The following SPOCK1 variants were observed in gnomAD, a reference collection of about 807,000 sequenced individuals.
SPOCK1 encodes SPARC (osteonectin), cwcv and kazal like domains proteoglycan 1, also known as testican-1.
In SPOCK1, 23 loss-of-function variants were observed where a neutral mutation model predicts 55.3. The ratio of observed to expected loss-of-function variants is 0.42; its 90% CI spans 0.30 to 0.59. SPOCK1 has a LOEUF of 0.59. Among genes scored for constraint, SPOCK1 ranks in the 20% least tolerant of loss-of-function variants. The pLI, the probability that SPOCK1 is intolerant of heterozygous loss-of-function variation, is 0.22. For missense variants in SPOCK1, 499 were observed against 552.5 expected, an observed-to-expected ratio of 0.90 and a Z score of 0.97; for synonymous variants, 226 against 221.0, an observed-to-expected ratio of 1.02 and a Z score of -0.20.
intron 4 of SPOCK1, among the ~76,000 whole-genome samples, chr5:137,123,838 T>A (rs1036973492): frequency 6.6e-6 from 1 of 152,058 alleles, no homozygotes. Context: ...TATATAAACC[T>A]GTATGTGAAT....
intron 2 of SPOCK1, among the ~76,000 whole-genome samples, chr5:137,463,074 T>C (rs1162611746): frequency 1.3e-5 from 2 of 152,232 alleles, no homozygotes; most frequent in Non-Finnish European, 2.9e-5. Context: ...CTGAAGCATG[T>C]TAAGCAGGAA....
chr5:137,049,625 CCTT>C lies in SPOCK1; in HGVS notation c.589+18087_589+18089del, dbSNP rs1423564248. ...CTCAGAGTAATTTGATCGTCTGAAG[CCTT>C]CTTCTCTCAGCTCGTCAAAATCATT... On this transcript the variant is annotated intron_variant, in intron 6 of 10. Transcript: ENST00000394945. Among the ~76,000 whole-genome samples the C allele has an allele frequency of 7.9e-3, 122 of 15,540 alleles. 4 individuals are homozygous for C. The highest frequency in any genetic ancestry group is 0.031 in the African/African-American group (118 of 3,864). The allele number at this position is 15,540 out of a possible 152,430, so 10.2% of individuals were successfully genotyped here. A position where few individuals can be genotyped will look rare whatever the true frequency, so the allele number is the denominator to read the frequency against.
intron 6 of SPOCK1, among the ~76,000 whole-genome samples, chr5:137,021,322 A>C (rs1030162170): frequency 1.3e-5 from 2 of 152,222 alleles, no homozygotes; most frequent in African/African-American, 4.8e-5. Context: ...AAAACTGAAC[A>C]AAATATCATT....
intron 3 of SPOCK1, among the ~76,000 whole-genome samples, chr5:137,213,350 T>C (rs1022296463): frequency 2.6e-5 from 4 of 152,348 alleles, no homozygotes; most frequent in African/African-American, 9.6e-5. Flanking sequence ...GGAAGTCTCA[T>C]AGATTCTGCA....
chr5:137,263,317 T>A (rs1756787445), intron 3 of SPOCK1, among the ~76,000 whole-genome samples: 1 of 152,210 alleles, frequency 6.6e-6, no homozygotes, highest in African/African-American at 2.4e-5. Flanking sequence ...TGTCCCTTAT[T>A]TGACCATCAA....
At chr5:137,375,995 T>A (rs1471350035) in intron 2 of SPOCK1, among the ~76,000 whole-genome samples, 1 of 152,188 alleles carries the variant, frequency 6.6e-6, no homozygotes, top group Non-Finnish European at 1.5e-5. Context: ...GAAGGCACCA[T>A]GAGAAACTCA....
chr5:137,474,457 T>G (rs1160939098), intron 2 of SPOCK1, among the ~76,000 whole-genome samples: 1 of 152,160 alleles, frequency 6.6e-6, no homozygotes, highest in Non-Finnish European at 1.5e-5. Context: ...AGCTCATAAT[T>G]TATAGCATTC....
In SPOCK1 at chr5:137,379,866, C is replaced by A. The variant is rs904577695; in HGVS notation, c.187-112811G>T. 5.9e-5 allele frequency among the ~76,000 whole-genome samples: 9 copies of A among 152,352 alleles called. No individual in the cohort carries two copies. The East Asian group carries it at 1.5e-3, about 26-fold the overall frequency. On this transcript the variant is annotated intron_variant, in intron 2 of 10. Coordinates refer to ENST00000394945, the MANE Select transcript of SPOCK1 (RefSeq NM_004598.4). ...GTCCAAATAAACTCATCTCTCAAGTCATTCAGACCTTAGGGGTGCATTAAT... is the reference window on the plus strand; with the variant it reads ...GTCCAAATAAACTCATCTCTCAAGTAATTCAGACCTTAGGGGTGCATTAAT...
At chr5:137,045,055 TG>T (rs1580723414) in intron 6 of SPOCK1, among the ~76,000 whole-genome samples, 1 of 143,366 alleles carries the variant, frequency 7.0e-6, no homozygotes, top group East Asian at 2.1e-4. Flanking sequence ...GTTGGACATT[TG>T]GGTTGGTTCC....
intron 6 of SPOCK1, among the ~76,000 whole-genome samples, chr5:137,003,445 C>T (rs892116209): frequency 1.3e-5 from 2 of 152,142 alleles, no homozygotes; most frequent in African/African-American, 4.8e-5. Flanking sequence ...ATTTGTTCTG[C>T]ATATCTGTTT....
chr5:137,092,761 A>C (rs984514860), intron 5 of SPOCK1, among the ~76,000 whole-genome samples: 1 of 152,228 alleles, frequency 6.6e-6, no homozygotes, highest in Non-Finnish European at 1.5e-5. Context: ...TCCAGCACTC[A>C]CACTTGCACA....
At chr5:137,376,201 C>T (rs543880472) in intron 2 of SPOCK1, among the ~76,000 whole-genome samples, 98 of 152,268 alleles carry the variant, frequency 6.4e-4, no homozygotes, top group African/African-American at 2.3e-3. Context: ...CCCCGGGATC[C>T]GCCCAGTTAC....
intron 3 of SPOCK1, among the ~76,000 whole-genome samples, chr5:137,144,284 C>T (rs1048316092): frequency 3.3e-5 from 5 of 152,158 alleles, no homozygotes; most frequent in Admixed American, 2.0e-4. Flanking sequence ...CTTAGGCTAA[C>T]TCCTGTAGAC....
At chr5:137,185,268 T>C (rs1026239703) in intron 3 of SPOCK1, among the ~76,000 whole-genome samples, 27 of 152,268 alleles carry the variant, frequency 1.8e-4, no homozygotes, top group African/African-American at 5.8e-4. Context: ...TGGAGGCCTA[T>C]GAAGGGATTA....
chr5:137,420,374 C>T (rs997111528), intron 2 of SPOCK1, among the ~76,000 whole-genome samples: 9 of 152,170 alleles, frequency 5.9e-5, no homozygotes, highest in African/African-American at 2.2e-4. Flanking sequence ...AGGAATGGTA[C>T]CAGCTCCTCC....
chr5:137,429,830 A>G (rs1304822844), intron 2 of SPOCK1, among the ~76,000 whole-genome samples: 1 of 152,222 alleles, frequency 6.6e-6, no homozygotes, highest in East Asian at 1.9e-4. Flanking sequence ...AGAGATCTCT[A>G]TTCAAATCCT....
In SPOCK1 at chr5:136,978,593, T is replaced by TGCAGGA; in HGVS notation, c.*55_*60dup. 6.5e-7 allele frequency: 1 copy of TGCAGGA among 1,530,888 alleles called. No homozygotes were observed. Among genetic ancestry groups the TGCAGGA allele is most frequent in the South Asian group, 1.3e-5 (1 of 77,320 alleles). 94.8% of individuals were successfully genotyped at this position (1,530,888 alleles called of 1,614,324 possible). A position where few individuals can be genotyped will look rare whatever the true frequency, so the allele number is the denominator to read the frequency against. On this transcript the variant is annotated 3_prime_UTR_variant, in exon 11 of 11. Transcript: ENST00000394945. ...GGTGCCTTGGAGTCTTAGATACAAA[T>TGCAGGA]GCAGGAATAGGAAGTGACTTGCAAT...
intron 3 of SPOCK1, among the ~76,000 whole-genome samples, chr5:137,260,664 G>T (rs1756727680): frequency 6.6e-6 from 1 of 152,186 alleles, no homozygotes; most frequent in African/African-American, 2.4e-5. Flanking sequence ...AAAGACAAAA[G>T]AGAAAACATT....
At chr5:136,981,947 T>C (rs879262036) in intron 9 of SPOCK1, among the ~76,000 whole-genome samples, 6 of 152,206 alleles carry the variant, frequency 3.9e-5, no homozygotes, top group Admixed American at 2.6e-4. Flanking sequence ...GTGACAATGG[T>C]TCCATAACAT....
Sources: gnomAD v4.1 joint callset for allele counts (sites outside exome capture counted in the v4.1 genomes callset) on GRCh38, gnomAD v4.1.1 for gene constraint, MANE v1.5 for transcripts, NCBI Gene and HGNC (gene_info 2026-07-23, HGNC 2026-07-21) for gene names.